Variants in TIMM23 observed in about 807,000 individuals in gnomAD.
The protein encoded by TIMM23 is translocase of inner mitochondrial membrane 23.
TIMM23 carries 19 observed loss-of-function variants against 30.7 expected under a neutral mutation model. That is an observed-to-expected ratio of 0.62 (90% CI 0.43 to 0.91). The LOEUF (loss-of-function observed/expected upper bound fraction) is 0.91, where lower values mean the gene tolerates loss of function less well. Among genes scored for constraint, TIMM23 ranks in the 40% least tolerant of loss-of-function variants. TIMM23 has a pLI of 0.00. For synonymous variants in TIMM23, 78 were observed against 98.5 expected, an observed-to-expected ratio of 0.79 and a Z score of 1.23; for missense variants, 202 against 269.2, an observed-to-expected ratio of 0.75 and a Z score of 1.75.
At chr10:45,975,333 T>G in intron 1 of TIMM23, 121 bp from the exon 2 acceptor site, 1 of 1,367,874 alleles carries the variant, frequency 7.3e-7, no homozygotes, top group Admixed American at 1.9e-5. Context: ...GGGAAAAAAT[T>G]TTCCGCCTTC....
Position 45,982,885 on chromosome 10 carries a change from T to C in TIMM23, c.299T>C (p.Leu100Ser). 4 of 1,613,912 alleles carry C rather than the reference T, an allele frequency of 2.5e-6. No individual in the cohort carries two copies. The highest frequency in any genetic ancestry group is 3.4e-6 in the Non-Finnish European group (4 of 1,179,854). Residue 100 changes from leucine (L) to serine (S), a missense_variant, in exon 4 of 7, where the codon TTG (leucine) becomes TCG (serine). Transcript: ENST00000580018. Reference protein sequence around the residue: ...FGAMNGLRLGLKETQNMAWSK... With the variant: ...FGAMNGLRLGSKETQNMAWSK... ...GCAATGAATGGTCTTCGGCTAGGAT[T>C]GAAGGAAACCCAGAACATGGCCTGG...
chr10:45,985,936 T>G (rs1189495042), intron 5 of TIMM23, among the ~76,000 whole-genome samples: 1 of 152,256 alleles, frequency 6.6e-6, no homozygotes, highest in Non-Finnish European at 1.5e-5. Flanking sequence ...TTTGCAGTTC[T>G]AGGCAAAAGG....
rs1837851021 is a variant in TIMM23, at chr10:45,981,716, C to A, written c.166-807C>A. On this transcript the variant is annotated intron_variant, in intron 2 of 6. Coordinates refer to ENST00000580018, the MANE Select transcript of TIMM23 (RefSeq NM_006327.4). ...ATGTAACACACTATGTGTCTTTTTG[C>A]CAAGGGTGTGACCTAGCCATTAGAG... Among the ~76,000 whole-genome samples the A allele has an allele frequency of 2.6e-5, 4 of 152,254 alleles. No homozygotes were observed. The East Asian group carries it at 5.8e-4, about 22-fold the overall frequency.
intron 6 of TIMM23, 61 bp downstream of exon 6, chr10:45,988,908 C>T (rs2132265562): frequency 1.3e-6 from 2 of 1,528,198 alleles, no homozygotes; most frequent in South Asian, 1.1e-5. Context: ...TTTTAAAATT[C>T]ATGGTTTTCA....
intron 1 of TIMM23, among the ~76,000 whole-genome samples, chr10:45,974,612 C>T (rs1837609743): frequency 6.6e-6 from 1 of 152,094 alleles, no homozygotes; most frequent in South Asian, 2.1e-4. Flanking sequence ...AGACAAATCA[C>T]TGTAGTTGCT....
Position 45,988,726 on chromosome 10 carries a change from T to C in TIMM23, c.404-11T>C. 1.9e-6 allele frequency: 3 copies of C among 1,613,708 alleles called. No individual in the cohort carries two copies. Among genetic ancestry groups the C allele is most frequent in the Non-Finnish European group, 2.5e-6 (3 of 1,179,704 alleles). ...CTGTTTTGTCACTGAGCACTTCCAT[T>C]TCCTCTTTAGCTTTGCTCTATAGTG... On this transcript the variant is annotated splice_polypyrimidine_tract_variant and intron_variant, in intron 5 of 6. Transcript: ENST00000580018.
At chr10:45,989,887 A>G (rs1838103967) in intron 6 of TIMM23, among the ~76,000 whole-genome samples, 1 of 152,128 alleles carries the variant, frequency 6.6e-6, no homozygotes, top group Non-Finnish European at 1.5e-5. Context: ...TATTGTGTTG[A>G]TACATCTTTG....
At chr10:45,994,558 G>T in intron 6 of TIMM23, among the ~76,000 whole-genome samples, 1 of 111,204 alleles carries the variant, frequency 9.0e-6, no homozygotes, top group Non-Finnish European at 1.8e-5. Flanking sequence ...TCCCATCTCA[G>T]CCTCCCAAGA....
rs1465899422 is a variant in TIMM23 at position 45,992,847 on chromosome 10, C to G, written c.514+4000C>G. Among the ~76,000 whole-genome samples the G allele has an allele frequency of 2.3e-3, 345 of 152,196 alleles. 1 individual carries two copies. The highest frequency in any genetic ancestry group is 7.0e-3 in the African/African-American group (291 of 41,534). ...CTGGGATTACAGGCATGAACCACCACGCCGGGCCAAGCCAGATTCTTTAAA... is the reference window on the plus strand; with the variant it reads ...CTGGGATTACAGGCATGAACCACCAGGCCGGGCCAAGCCAGATTCTTTAAA... On this transcript the variant is annotated intron_variant, in intron 6 of 6. Coordinates refer to ENST00000580018, the MANE Select transcript of TIMM23 (RefSeq NM_006327.4).
chr10:45,982,395 A>G (rs1837875915), intron 2 of TIMM23, 128 bp from the exon 3 acceptor site: 7 of 832,544 alleles, frequency 8.4e-6, no homozygotes. Flanking sequence ...ATTTTTGTTT[A>G]AGTATAGGTT....
At chr10:45,989,466 CCTT>C (rs1340613173) in intron 6 of TIMM23, among the ~76,000 whole-genome samples, 8 of 152,108 alleles carry the variant, frequency 5.3e-5, no homozygotes, top group African/African-American at 1.7e-4. Flanking sequence ...TCTTCAAGGT[CCTT>C]CTTTCTTTTT....
At chr10:45,992,380 C>G in intron 6 of TIMM23, 3 of 455,516 alleles carry the variant, frequency 6.6e-6, no homozygotes, top group Non-Finnish European at 1.3e-5. Context: ...TGTCCTAGAT[C>G]TCTTTGAGGG....
chr10:45,989,088 G>A lies in TIMM23; in HGVS notation c.514+241G>A, dbSNP rs1178548802. On this transcript the variant is annotated intron_variant, in intron 6 of 6. Transcript: ENST00000580018. ...TCACATGATTATATAACCAATCTCT[G>A]GAACTTTTTCATCTTGCAAAACTGA... Among the ~76,000 whole-genome samples, 5 of 152,216 alleles carry A rather than the reference G, an allele frequency of 3.3e-5. No individual in the cohort carries two copies. In the South Asian group the frequency reaches 8.3e-4, roughly 25 times the overall value.
chr10:45,992,686 T>C (rs1488571440), intron 6 of TIMM23: 2 of 373,066 alleles, frequency 5.4e-6, no homozygotes, highest in Admixed American at 3.7e-5. Flanking sequence ...GCTTCCCAAG[T>C]AGCTGGGATT....
rs1169409986 is a variant in TIMM23 at position 46,003,312 on chromosome 10, ACT to A, written c.627_628del (p.Ter210LysfsTer13). On this transcript the variant is annotated frameshift_variant, in exon 7 of 7. Transcript: ENST00000580018. LOFTEE classifies it high-confidence loss of function. The part of the protein sequence containing the change: ...HMKGSLLQQS[L>X] The stretch of plus-strand genomic sequence containing the variant: ...TGAAAGGCTCCTTGCTCCAACAGTC[ACT>A]CTGAAGATTTTGCCAACTCATGAAT... The A allele has an allele frequency of 6.2e-7, 1 of 1,613,108 alleles. No homozygotes were observed. Among genetic ancestry groups the A allele is most frequent in the Non-Finnish European group, 8.5e-7 (1 of 1,179,340 alleles).
intron 6 of TIMM23, among the ~76,000 whole-genome samples, chr10:45,991,972 GT>G (rs587680485): frequency 2.4e-4 from 34 of 142,196 alleles, no homozygotes; most frequent in East Asian, 4.1e-4. Flanking sequence ...TGTTTCCTTT[GT>G]TTTTTTTTTT....
intron 2 of TIMM23, among the ~76,000 whole-genome samples, chr10:45,976,356 A>G (rs1837671855): frequency 6.8e-6 from 1 of 148,102 alleles, no homozygotes; most frequent in East Asian, 2.0e-4. Flanking sequence ...CACACCTGTA[A>G]TCCCAGCACT....
rs1837963733 is a variant in TIMM23, at chr10:45,985,358, A to T, written c.345-25A>T. ...AGAGAAATAATGATTCTAAATACAG[A>T]TTCTTTCTCTTTCTGCCCTGATAGG... On this transcript the variant is annotated intron_variant, in intron 4 of 6. Transcript: ENST00000580018. 32 of 1,612,804 alleles carry T rather than the reference A, an allele frequency of 2.0e-5. 1 individual carries two copies. In the South Asian group the frequency reaches 3.2e-4, roughly 16 times the overall value.
At chr10:45,973,254 T>C (rs1258758602) in intron 1 of TIMM23, among the ~76,000 whole-genome samples, 1 of 152,156 alleles carries the variant, frequency 6.6e-6, no homozygotes, top group African/African-American at 2.4e-5. Context: ...AGGTGATATA[T>C]AGACATGAAG....
Sources: gnomAD v4.1 joint callset for allele counts (sites outside exome capture counted in the v4.1 genomes callset) on GRCh38, gnomAD v4.1.1 for gene constraint, MANE v1.5 for transcripts, NCBI Gene and HGNC (gene_info 2026-07-23, HGNC 2026-07-21) for gene names.